The following CSMD1 variants were observed in gnomAD, a reference collection of about 807,000 sequenced individuals.
CSMD1 encodes the protein CUB and sushi domain-containing protein 1.
Under a neutral mutation model 417.5 loss-of-function variants are expected in CSMD1, and 213 were observed. The observed-to-expected ratio is 0.51, with a 90% CI of 0.46 to 0.57. CSMD1 has a LOEUF of 0.57. Among genes scored for constraint, CSMD1 ranks in the 20% least tolerant of loss-of-function variants. The probability of loss-of-function intolerance (pLI) is 0.00; values close to 1 mark genes in which losing one functional copy is unlikely to be tolerated. For missense variants in CSMD1, 6,923 were observed against 4,529.7 expected (o/e 1.53, Z -15.17); for synonymous variants, 2,862 against 1,736.8 (o/e 1.65, Z -16.11).
chr8:3,515,124 A>C (rs545646736), intron 10 of CSMD1: 1 of 152,382 alleles, frequency 6.6e-6, no homozygotes, highest in South Asian at 2.1e-4. Context: ...TTAATGTTAT[A>C]ATTCATCTTG....
intron 1 of CSMD1, among the ~76,000 whole-genome samples, chr8:4,783,718 C>T (rs1797268898): frequency 6.6e-6 from 1 of 152,158 alleles, no homozygotes; most frequent in South Asian, 2.1e-4. Context: ...ATCCTCCAAA[C>T]TTGAGTGGAA....
chr8:4,598,153 T>A (rs1316054180), intron 2 of CSMD1, among the ~76,000 whole-genome samples: 1 of 152,124 alleles, frequency 6.6e-6, no homozygotes, highest in Non-Finnish European at 1.5e-5. Context: ...CAATAAAAAG[T>A]CAAGTTAGAT....
intron 7 of CSMD1, among the ~76,000 whole-genome samples, chr8:3,645,515 G>T (rs1254866085): frequency 6.6e-6 from 1 of 152,190 alleles, no homozygotes; most frequent in Non-Finnish European, 1.5e-5. Context: ...GAAGGAAGGG[G>T]AGGATGTGTG....
intron 5 of CSMD1, among the ~76,000 whole-genome samples, chr8:3,802,164 T>G (rs1800491442): frequency 6.6e-6 from 1 of 152,130 alleles, no homozygotes; most frequent in Non-Finnish European, 1.5e-5. Context: ...AAAAAATAAT[T>G]ACTATGACAA....
intron 5 of CSMD1, among the ~76,000 whole-genome samples, chr8:3,967,347 C>G (rs1393954839): frequency 6.6e-6 from 1 of 151,986 alleles, no homozygotes. Context: ...CCATTCCGAC[C>G]CTGAACTTGT....
intron 2 of CSMD1, among the ~76,000 whole-genome samples, chr8:4,578,921 G>A (rs1585278270): frequency 6.6e-6 from 1 of 150,778 alleles, no homozygotes; most frequent in Non-Finnish European, 1.5e-5. Flanking sequence ...AAACCACCAT[G>A]TGGAAAAATA....
At chr8:4,278,902 T>C (rs2128857875) in intron 3 of CSMD1, among the ~76,000 whole-genome samples, 1 of 152,298 alleles carries the variant, frequency 6.6e-6, no homozygotes, top group South Asian at 2.1e-4. Flanking sequence ...TAGGATAACT[T>C]CTCTGAAAGT....
intron 3 of CSMD1, among the ~76,000 whole-genome samples, chr8:4,035,837 C>T (rs1020268517): frequency 2.6e-5 from 4 of 152,088 alleles, no homozygotes; most frequent in Non-Finnish European, 2.9e-5. Flanking sequence ...TCTAAGTGTA[C>T]AGTGTTTATG....
intron 2 of CSMD1, among the ~76,000 whole-genome samples, chr8:4,505,999 T>C (rs1418582311): frequency 1.3e-5 from 2 of 152,030 alleles, no homozygotes; most frequent in African/African-American, 4.8e-5. Context: ...GGTGTCAATA[T>C]GTTGCCCAGG....
intron 57 of CSMD1, 89 bp from the exon 58 acceptor site, chr8:2,966,835 T>G (rs1390448924): frequency 8.5e-7 from 1 of 1,176,450 alleles, no homozygotes; most frequent in Non-Finnish European, 1.2e-6. Context: ...ATCAGTGCAA[T>G]AGACTACACA....
chr8:3,040,948 G>T (rs1811050625), intron 50 of CSMD1, among the ~76,000 whole-genome samples: 1 of 152,166 alleles, frequency 6.6e-6, no homozygotes, highest in South Asian at 2.1e-4. Context: ...AAAACGTGTT[G>T]AATGTTTCTA....
chr8:3,918,830 G>T (rs1047118520), intron 5 of CSMD1, among the ~76,000 whole-genome samples: 5 of 152,040 alleles, frequency 3.3e-5, no homozygotes, highest in Non-Finnish European at 1.5e-5. Context: ...AAACTATGAG[G>T]ATGCAAAGAT....
intron 1 of CSMD1, among the ~76,000 whole-genome samples, chr8:4,891,148 G>C (rs1429842892): frequency 6.6e-6 from 1 of 152,142 alleles, no homozygotes; most frequent in African/African-American, 2.4e-5. Context: ...TATGAACTCT[G>C]TGTTTTGAGT....
chr8:3,764,371 C>G (rs1798158418), intron 5 of CSMD1, among the ~76,000 whole-genome samples: 1 of 152,182 alleles, frequency 6.6e-6, no homozygotes. Flanking sequence ...CATTACATAA[C>G]TCTGATATGA....
chr8:4,076,707 C>T (rs576464902), intron 3 of CSMD1, among the ~76,000 whole-genome samples: 45 of 152,314 alleles, frequency 3.0e-4, no homozygotes, highest in Non-Finnish European at 5.1e-4. Context: ...TTGTCTTTCA[C>T]TGCTACTCAT....
chr8:4,686,455 C>G (rs1045305336), intron 1 of CSMD1, among the ~76,000 whole-genome samples: 1 of 152,172 alleles, frequency 6.6e-6, no homozygotes, highest in African/African-American at 2.4e-5. Flanking sequence ...AGGCCTTGTG[C>G]GAGAGGGGGC....
chr8:4,841,705 G>T (rs994347893), intron 1 of CSMD1, among the ~76,000 whole-genome samples: 4 of 152,014 alleles, frequency 2.6e-5, no homozygotes, highest in African/African-American at 9.7e-5. Flanking sequence ...GAGGTCAGGA[G>T]TTGGAGACAA....
At chr8:3,397,194 T>C (rs1585103525) in intron 16 of CSMD1, among the ~76,000 whole-genome samples, 2 of 152,278 alleles carry the variant, frequency 1.3e-5, no homozygotes, top group Non-Finnish European at 2.9e-5. Flanking sequence ...GTGCCTGACT[T>C]GGCTCTCAGG....
At chr8:4,818,989 G>GA (rs756851603) in intron 1 of CSMD1, among the ~76,000 whole-genome samples, 19 of 151,878 alleles carry the variant, frequency 1.3e-4, no homozygotes, top group South Asian at 4.2e-4. Flanking sequence ...TTTGCAAAAT[G>GA]AAAAAAAATA....
Sources: allele counts gnomAD v4.1 joint callset (sites outside exome capture counted in the v4.1 genomes callset), GRCh38; gene constraint gnomAD v4.1.1; transcripts MANE v1.5; gene names NCBI Gene and HGNC (gene_info 2026-07-23, HGNC 2026-07-21).